Variants in PCDHGB5 observed in about 807,000 individuals in gnomAD.
The protein encoded by PCDHGB5 is protocadherin gamma subfamily B, 5.
Under a neutral mutation model 62.9 loss-of-function variants are expected in PCDHGB5, and 48 were observed. The observed-to-expected ratio is 0.76, with a 90% CI of 0.61 to 0.97. The LOEUF (loss-of-function observed/expected upper bound fraction) is 0.97, where lower values mean the gene tolerates loss of function less well. Among genes scored for constraint, PCDHGB5 ranks in the 50% least tolerant of loss-of-function variants. PCDHGB5 has a pLI of 0.00. For synonymous variants in PCDHGB5, 474 were observed against 511.2 expected (o/e 0.93, Z 0.98); for missense variants, 1,118 against 1,198.6 (o/e 0.93, Z 0.99).
At chr5:141,444,358 A>T (rs2098433774) in intron 1 of PCDHGB5, among the ~76,000 whole-genome samples, 1 of 151,436 alleles carries the variant, frequency 6.6e-6, no homozygotes, top group Non-Finnish European at 1.5e-5. Context: ...TTTAGTAGAG[A>T]CGGGGTTTCT....
At chr5:141,498,991 AG>A (rs1449718352) in intron 2 of PCDHGB5, among the ~76,000 whole-genome samples, 8 of 144,362 alleles carry the variant, frequency 5.5e-5, no homozygotes, top group Non-Finnish European at 1.0e-4. Context: ...GAAGGAAGGA[AG>A]GAAGGAAGGA....
At chr5:141,445,573 A>G (rs1311326050) in intron 1 of PCDHGB5, among the ~76,000 whole-genome samples, 1 of 152,248 alleles carries the variant, frequency 6.6e-6, no homozygotes, top group Admixed American at 6.5e-5. Flanking sequence ...AGCTTATAGT[A>G]GGGAAGCTTC....
In PCDHGB5 at chr5:141,409,983, T is replaced by C. The variant is rs1481655663; in HGVS notation, c.2397+9459T>C. The C allele has an allele frequency of 1.2e-6, 2 of 1,613,160 alleles. No individual in the cohort carries two copies. Among genetic ancestry groups the C allele is most frequent in the African/African-American group, 2.7e-5 (2 of 74,914 alleles). On this transcript the variant is annotated intron_variant, in intron 1 of 3. Coordinates refer to ENST00000617380, the MANE Select transcript of PCDHGB5 (RefSeq NM_018925.3). ...TACCTAGTGACTAAGGTGGTAGCGG[T>C]GGACGCCGACTCGGGACACAACGCC... is the stretch of plus-strand genomic sequence containing the variant.
chr5:141,489,837 G>A lies in PCDHGB5; in HGVS notation c.2398-4970G>A. 6.2e-7 allele frequency: 1 copy of A among 1,614,204 alleles called. No individual in the cohort carries two copies. ...TCCCAGAGCTGGTGCTAGAGCAGCAGCTGGATCGTGAAGCCCAGGCAAGAC... is the reference window on the plus strand; with the variant it reads ...TCCCAGAGCTGGTGCTAGAGCAGCAACTGGATCGTGAAGCCCAGGCAAGAC... On this transcript the variant is annotated intron_variant, in intron 1 of 3. Transcript: ENST00000617380. This position sits in a 1 kb window ranked among gnomAD's most constrained non-coding sequence, Gnocchi z 4.5.
rs752088903 is a variant in PCDHGB5, at chr5:141,490,784, G to A, written c.2398-4023G>A. The A allele has an allele frequency of 1.7e-5, 27 of 1,613,906 alleles. No individual in the cohort carries two copies. The highest frequency in any genetic ancestry group is 1.2e-4 in the African/African-American group (9 of 74,922). The stretch of plus-strand genomic sequence containing the variant: ...GTGTATGTCAACCCAGAGGATGGAC[G>A]GATCTTTGCCCAGCGTACCTTTGAC... On this transcript the variant is annotated intron_variant, in intron 1 of 3. Transcript: ENST00000617380. This position sits in a 1 kb window ranked among gnomAD's most constrained non-coding sequence, Gnocchi z 5.4.
At position 141,490,874 on chromosome 5, in the gene PCDHGB5, A is replaced by T. The variant is rs368927472; in HGVS notation, c.2398-3933A>T. 2 of 1,613,948 alleles carry T rather than the reference A, an allele frequency of 1.2e-6. No homozygotes were observed. Among genetic ancestry groups the T allele is most frequent in the Non-Finnish European group, 1.7e-6 (2 of 1,179,952 alleles). On this transcript the variant is annotated intron_variant, in intron 1 of 3. Transcript: ENST00000617380. The surrounding 1 kb of genome is among the most constrained non-coding windows in gnomAD (Gnocchi z 5.4). The stretch of plus-strand genomic sequence containing the variant: ...CGAGACTCCGGCTCTCCCCCATTGC[A>T]TGCCAACACATCTCTGCATGTGTTT...
rs200686404 is a variant in PCDHGB5 at position 141,477,185 on chromosome 5, G to A, written c.2398-17622G>A. On this transcript the variant is annotated intron_variant, in intron 1 of 3. Transcript: ENST00000617380. The surrounding 1 kb of genome is among the most constrained non-coding windows in gnomAD (Gnocchi z 4.9). ...CGCCCCGGAGATCACAGTCACCTCCGTGTACAGCCCAGTACCCGAGGATGC... is the reference window on the plus strand; with the variant it reads ...CGCCCCGGAGATCACAGTCACCTCCATGTACAGCCCAGTACCCGAGGATGC... 1.2e-6 allele frequency: 2 copies of A among 1,614,210 alleles called. No individual in the cohort carries two copies. Among genetic ancestry groups the A allele is most frequent in the South Asian group, 1.1e-5 (1 of 91,084 alleles).
In PCDHGB5 at chr5:141,422,843, G is replaced by C. The variant is rs778670588; in HGVS notation, c.2397+22319G>C. 1.9e-6 allele frequency: 3 copies of C among 1,614,234 alleles called. No homozygotes were observed. In the East Asian group the frequency reaches 6.7e-5, roughly 36 times the overall value. ...CTGAGAGTGATAGCACGTGACAGCG[G>C]GGACCCGCCCCTCAGCAGCAACGTG... is the stretch of plus-strand genomic sequence containing the variant. On this transcript the variant is annotated intron_variant, in intron 1 of 3. Coordinates refer to ENST00000617380, the MANE Select transcript of PCDHGB5 (RefSeq NM_018925.3).
Position 141,491,034 on chromosome 5 carries a change from T to C in PCDHGB5, c.2398-3773T>C, listed in dbSNP as rs375902824. On this transcript the variant is annotated intron_variant, in intron 1 of 3. Coordinates refer to ENST00000617380, the MANE Select transcript of PCDHGB5 (RefSeq NM_018925.3). The surrounding 1 kb of genome is among the most constrained non-coding windows in gnomAD (Gnocchi z 6.9). The stretch of plus-strand genomic sequence containing the variant: ...CCAAGGTGACAGCCGTGGATGCTGA[T>C]GCAGGCCACAATGCGTGGCTCTCCT... 19 of 1,614,170 alleles carry C rather than the reference T, an allele frequency of 1.2e-5. No homozygotes were observed. Among genetic ancestry groups the C allele is most frequent in the East Asian group, 4.5e-5 (2 of 44,894 alleles).
At chr5:141,410,619 C>T (rs757187051) in intron 1 of PCDHGB5, 8 of 1,603,614 alleles carry the variant, frequency 5.0e-6, no homozygotes, top group Admixed American at 3.3e-5. Flanking sequence ...ACTCTGACTT[C>T]GGTGAGTTTC....
rs2233603 is a variant in PCDHGB5 at position 141,490,063 on chromosome 5, G to A, written c.2398-4744G>A. 1,259 of 1,614,208 alleles carry A rather than the reference G, an allele frequency of 7.8e-4. 6 individuals carry two copies. The African/African-American group carries it at 0.013, about 16-fold the overall frequency. On this transcript the variant is annotated intron_variant, in intron 1 of 3. Transcript: ENST00000617380. The surrounding 1 kb of genome is among the most constrained non-coding windows in gnomAD (Gnocchi z 5.4). ...CACTGATCCAGACGAGGGCACCAAC[G>A]GCCAACTAGACTATTCTTTTGGAGA...
Position 141,428,071 on chromosome 5 carries a change from C to T in PCDHGB5, c.2397+27547C>T, listed in dbSNP as rs968712502. ...AAGGTGGTGGCGGTGGACGCAGATTCGGGACACAACGCTTGGCTGTCCTAC... is the reference window on the plus strand; with the variant it reads ...AAGGTGGTGGCGGTGGACGCAGATTTGGGACACAACGCTTGGCTGTCCTAC... On this transcript the variant is annotated intron_variant, in intron 1 of 3. Transcript: ENST00000617380. The T allele has an allele frequency of 5.6e-6, 9 of 1,609,140 alleles. No homozygotes were observed. In the Middle Eastern group the frequency reaches 1.0e-3, roughly 184 times the overall value.
At chr5:141,405,804 C>T (rs1277295024) in intron 1 of PCDHGB5, among the ~76,000 whole-genome samples, 1 of 146,338 alleles carries the variant, frequency 6.8e-6, no homozygotes, top group Non-Finnish European at 1.5e-5. Context: ...AGTTAGCTTT[C>T]TCTTTAACTG....
intron 1 of PCDHGB5, among the ~76,000 whole-genome samples, chr5:141,449,588 CAAAAAAAA>C (rs768743917): frequency 1.7e-5 from 1 of 57,492 alleles, no homozygotes; most frequent in South Asian, 6.3e-4. Context: ...GACTCTGTCT[CAAAAAAAA>C]AAAAAAAAAA....
chr5:141,487,857 T>A lies in PCDHGB5; in HGVS notation c.2398-6950T>A. Reference sequence around the variant, plus strand: ...TATCTGAGTAAGAAATGAAAGTAATTGGTGATCAAGAGCCAGGCTGTTGTG... The same window carrying A: ...TATCTGAGTAAGAAATGAAAGTAATAGGTGATCAAGAGCCAGGCTGTTGTG... On this transcript the variant is annotated intron_variant, in intron 1 of 3. Coordinates refer to ENST00000617380, the MANE Select transcript of PCDHGB5 (RefSeq NM_018925.3). The surrounding 1 kb of genome is among the most constrained non-coding windows in gnomAD (Gnocchi z 5.0). The A allele has an allele frequency of 1.0e-6, 1 of 964,674 alleles. No individual in the cohort carries two copies. Among genetic ancestry groups the A allele is most frequent in the Non-Finnish European group, 1.5e-6 (1 of 659,920 alleles). 59.8% of individuals were successfully genotyped at this position (964,674 alleles called of 1,614,324 possible). A position where few individuals can be genotyped will look rare whatever the true frequency, so the allele number is the denominator to read the frequency against.
At position 141,423,431 on chromosome 5, in the gene PCDHGB5, G is replaced by A. The variant is rs1220133197; in HGVS notation, c.2397+22907G>A. On this transcript the variant is annotated intron_variant, in intron 1 of 3. Coordinates refer to ENST00000617380, the MANE Select transcript of PCDHGB5 (RefSeq NM_018925.3). ...CAGGCTTCTGAAGGCGGGTTGGCAGGTATGCCCACGTCACATTTTGTAGGC... is the reference window on the plus strand; with the variant it reads ...CAGGCTTCTGAAGGCGGGTTGGCAGATATGCCCACGTCACATTTTGTAGGC... 3 of 1,613,892 alleles carry A rather than the reference G, an allele frequency of 1.9e-6. No homozygotes were observed. Among genetic ancestry groups the A allele is most frequent in the Admixed American group, 3.3e-5 (2 of 60,012 alleles).
intron 1 of PCDHGB5, chr5:141,408,253 A>G (rs749487100): frequency 3.4e-4 from 550 of 1,599,220 alleles, no homozygotes; most frequent in Non-Finnish European, 4.4e-4. Flanking sequence ...GGCAGGTGCT[A>G]TTTCCTTTGC....
chr5:141,474,500 C>G (rs183956979), intron 1 of PCDHGB5, among the ~76,000 whole-genome samples: 31 of 152,324 alleles, frequency 2.0e-4, no homozygotes, highest in African/African-American at 6.3e-4. Context: ...CTTCTAATGC[C>G]TATCAGCCCT....
Position 141,406,695 on chromosome 5 carries a change from A to T in PCDHGB5, c.2397+6171A>T, listed in dbSNP as rs62378452. Among the ~76,000 whole-genome samples, 1,219 of 152,310 alleles carry T rather than the reference A, an allele frequency of 8.0e-3. 8 individuals are homozygous for T. Among genetic ancestry groups the T allele is most frequent in the Non-Finnish European group, 0.011 (770 of 68,010 alleles). Reference sequence around the variant, plus strand: ...GAATAGTAGGACATTCTTCTTTTCTATAGTATATGCTTGCTCAAGAGAAGT... The same window carrying T: ...GAATAGTAGGACATTCTTCTTTTCTTTAGTATATGCTTGCTCAAGAGAAGT... On this transcript the variant is annotated intron_variant, in intron 1 of 3. Coordinates refer to ENST00000617380, the MANE Select transcript of PCDHGB5 (RefSeq NM_018925.3).
Sources: allele counts gnomAD v4.1 joint callset (sites outside exome capture counted in the v4.1 genomes callset), GRCh38; gene constraint gnomAD v4.1.1; non-coding constraint Gnocchi (gnomAD v3.1); transcripts MANE v1.5; gene names NCBI Gene and HGNC (gene_info 2026-07-23, HGNC 2026-07-21).